The following RAB3GAP2 variants were observed in gnomAD, a reference collection of about 807,000 sequenced individuals.
RAB3GAP2 encodes the protein RAB3 GTPase activating non-catalytic protein subunit 2.
Under a neutral mutation model 185.3 loss-of-function variants are expected in RAB3GAP2, and 87 were observed. The observed-to-expected ratio is 0.47, with a 90% CI of 0.39 to 0.56. The LOEUF (loss-of-function observed/expected upper bound fraction) is 0.56, where lower values mean the gene tolerates loss of function less well. Ranked by LOEUF, RAB3GAP2 falls within the 20% of genes least tolerant of loss-of-function variation. The pLI is 0.00. For missense variants in RAB3GAP2, 1,492 were observed against 1,638.2 expected (o/e 0.91, Z 1.54); for synonymous variants, 554 against 576.1 (o/e 0.96, Z 0.55).
intron 2 of RAB3GAP2, 103 bp downstream of exon 2, chr1:220,232,696 G>A (rs1188818224): frequency 1.9e-6 from 2 of 1,072,248 alleles, no homozygotes; most frequent in African/African-American, 3.1e-5. Context: ...AAATATTCTT[G>A]ACATCGAATT....
intron 1 of RAB3GAP2, among the ~76,000 whole-genome samples, chr1:220,241,217 T>C (rs1012454322): frequency 1.4e-4 from 21 of 152,092 alleles, no homozygotes; most frequent in Non-Finnish European, 2.4e-4. Flanking sequence ...ACTGAGTGTA[T>C]GTTTTTTTTC....
Position 220,208,959 on chromosome 1 carries a change from C to T in RAB3GAP2, c.612+1429G>A, listed in dbSNP as rs151032062. Among the ~76,000 whole-genome samples, 314 of 152,284 alleles carry T rather than the reference C, an allele frequency of 2.1e-3. 7 individuals carry two copies. In the East Asian group the frequency reaches 0.051, roughly 25 times the overall value. On this transcript the variant is annotated intron_variant, in intron 7 of 34. Transcript: ENST00000358951. The stretch of plus-strand genomic sequence containing the variant: ...CTCAAACTCCTGAGCTCAGGCAATC[C>T]GCCCACCTCGGGCTCCCAAAGTGCT...
intron 4 of RAB3GAP2, among the ~76,000 whole-genome samples, chr1:220,211,589 GAT>G (rs1659086496): frequency 6.6e-6 from 1 of 151,964 alleles, no homozygotes; most frequent in Non-Finnish European, 1.5e-5. Context: ...ATATAAAAAA[GAT>G]ATATTTTTTT....
intron 7 of RAB3GAP2, among the ~76,000 whole-genome samples, chr1:220,209,167 C>G (rs1192886825): frequency 2.0e-5 from 3 of 152,184 alleles, no homozygotes; most frequent in African/African-American, 7.2e-5. Context: ...AAGAAATCTT[C>G]AATATTCCTT....
chr1:220,228,987 T>C (rs1220463063), intron 2 of RAB3GAP2, among the ~76,000 whole-genome samples: 2 of 152,228 alleles, frequency 1.3e-5, no homozygotes, highest in African/African-American at 4.8e-5. Context: ...TTAACTACAT[T>C]GTTTAAAAGA....
intron 2 of RAB3GAP2, among the ~76,000 whole-genome samples, chr1:220,225,272 A>G (rs1225690376): frequency 6.6e-6 from 1 of 152,172 alleles, no homozygotes; most frequent in Non-Finnish European, 1.5e-5. Context: ...CACAACAGCA[A>G]ATCACTTCAC....
At position 220,158,822 on chromosome 1, in the gene RAB3GAP2, C is replaced by T. The variant is rs958113613; in HGVS notation, c.3261+564G>A. On this transcript the variant is annotated intron_variant, in intron 29 of 34. Transcript: ENST00000358951. The surrounding 1 kb of genome is among the most constrained non-coding windows in gnomAD (Gnocchi z 4.3). The stretch of plus-strand genomic sequence containing the variant: ...AATTCAGTGTTTGTGGGTACATGCA[C>T]ACACACATGCATGCACACACACGTA... Among the ~76,000 whole-genome samples, 4 of 152,122 alleles carry T rather than the reference C, an allele frequency of 2.6e-5. No individual in the cohort carries two copies. Among genetic ancestry groups the T allele is most frequent in the African/African-American group, 9.7e-5 (4 of 41,414 alleles).
chr1:220,213,852 T>C lies in RAB3GAP2; in HGVS notation c.304+4A>G. 1 of 1,612,288 alleles carries C rather than the reference T, an allele frequency of 6.2e-7. No individual in the cohort carries two copies. The highest frequency in any genetic ancestry group is 8.5e-7 in the Non-Finnish European group (1 of 1,178,554). On this transcript the variant is annotated splice_donor_region_variant and intron_variant, in intron 3 of 34. Transcript: ENST00000358951. ...AAGGTCGCTGAAAATAATAGGATAC[T>C]CACGCACTAGAAATACAGCTTTTTG... is the stretch of plus-strand genomic sequence containing the variant.
At chr1:220,262,187 G>C (rs1166237703) in intron 1 of RAB3GAP2, among the ~76,000 whole-genome samples, 2 of 151,366 alleles carry the variant, frequency 1.3e-5, no homozygotes, top group African/African-American at 2.4e-5. Flanking sequence ...TGTAGTCCCA[G>C]CTACTCGAGA....
At chr1:220,218,176 C>T (rs115734457) in intron 2 of RAB3GAP2, among the ~76,000 whole-genome samples, 1,888 of 152,066 alleles carry the variant, frequency 0.012, 16 homozygotes, top group Non-Finnish European at 0.018. Context: ...CCACTGAAGA[C>T]GGGGGAATAA....
chr1:220,153,377 G>C lies in RAB3GAP2; in HGVS notation c.3675C>G (p.Val1225=). ...QFLLKVVSAA[V]QAQHSATKVK... The stretch of plus-strand genomic sequence containing the variant: ...CCTTTGTGGCTGAATGTTGGGCCTG[G>C]ACAGCTGCACTGACAACTTTCAATA... Residue 1225 remains valine (V), a synonymous_variant, in exon 33 of 35, where the codon GTC becomes GTG. Coordinates refer to ENST00000358951, the MANE Select transcript of RAB3GAP2 (RefSeq NM_012414.4). 1 of 1,614,166 alleles carries C rather than the reference G, an allele frequency of 6.2e-7. No homozygotes were observed. Among genetic ancestry groups the C allele is most frequent in the African/African-American group, 1.3e-5 (1 of 75,066 alleles).
In RAB3GAP2 at chr1:220,158,312, C is replaced by G. The variant is rs1657896823; in HGVS notation, c.3262-436G>C. Among the ~76,000 whole-genome samples, 1 of 152,122 alleles carries G rather than the reference C, an allele frequency of 6.6e-6. No homozygotes were observed. The highest frequency in any genetic ancestry group is 6.5e-5 in the Admixed American group (1 of 15,276). On this transcript the variant is annotated intron_variant, in intron 29 of 34. Transcript: ENST00000358951. This position sits in a 1 kb window ranked among gnomAD's most constrained non-coding sequence, Gnocchi z 4.3. ...TTCAGAGCGTCTTTTAGAGACTGAACCCGACCCTCTGAGCAAAACTAGAAT... is the reference window on the plus strand; with the variant it reads ...TTCAGAGCGTCTTTTAGAGACTGAAGCCGACCCTCTGAGCAAAACTAGAAT...
In RAB3GAP2 at chr1:220,184,029, T is replaced by C; in HGVS notation, c.1998+7A>G. On this transcript the variant is annotated splice_region_variant and intron_variant, in intron 19 of 34. Transcript: ENST00000358951. ...TTTTATATAATATAAAATGTGGGATTACTCACATTATCAGAGAATGGTGTG... is the reference window on the plus strand; with the variant it reads ...TTTTATATAATATAAAATGTGGGATCACTCACATTATCAGAGAATGGTGTG... 1 of 1,531,486 alleles carries C rather than the reference T, an allele frequency of 6.5e-7. No individual in the cohort carries two copies. The highest frequency in any genetic ancestry group is 1.2e-5 in the South Asian group (1 of 86,234). The allele number at this position is 1,531,486 out of a possible 1,614,324, so 94.9% of individuals were successfully genotyped here.
At chr1:220,185,872 G>T in intron 17 of RAB3GAP2, 131 bp from the exon 18 acceptor site, 1 of 673,714 alleles carries the variant, frequency 1.5e-6, no homozygotes, top group Non-Finnish European at 2.6e-6. Flanking sequence ...ATGTTTTAGT[G>T]TACATATATT....
chr1:220,180,505 T>C (rs1347164562), intron 21 of RAB3GAP2, among the ~76,000 whole-genome samples: 1 of 152,146 alleles, frequency 6.6e-6, no homozygotes, highest in African/African-American at 2.4e-5. Flanking sequence ...TAGAGACTAT[T>C]ATGAACAGCT....
At chr1:220,209,012 C>G (rs1332325832) in intron 7 of RAB3GAP2, among the ~76,000 whole-genome samples, 1 of 152,128 alleles carries the variant, frequency 6.6e-6, no homozygotes, top group Admixed American at 6.5e-5. Flanking sequence ...CCACCGTGCC[C>G]GGCCCCAAAA....
intron 21 of RAB3GAP2, among the ~76,000 whole-genome samples, chr1:220,172,980 G>C (rs942819027): frequency 6.6e-6 from 1 of 152,126 alleles, no homozygotes; most frequent in African/African-American, 2.4e-5. Context: ...ACCTTCTTTG[G>C]GTTAAGCATT....
chr1:220,237,066 T>C (rs1392041363), intron 1 of RAB3GAP2, among the ~76,000 whole-genome samples: 1 of 152,216 alleles, frequency 6.6e-6, no homozygotes, highest in African/African-American at 2.4e-5. Flanking sequence ...ATATCTTTTA[T>C]AAGACAGGGT....
rs1658608431 is a variant in RAB3GAP2, at chr1:220,191,065, T to C, written c.1487+3A>G. 2.5e-6 allele frequency: 4 copies of C among 1,611,484 alleles called. No homozygotes were observed. In the East Asian group the frequency reaches 8.9e-5, roughly 36 times the overall value. ...CAGCACAATGCCAGCATTTGCAGCT[T>C]ACCTGCAGTGCTTCCCCACATTGAA... On this transcript the variant is annotated splice_donor_region_variant and intron_variant, in intron 14 of 34. Coordinates refer to ENST00000358951, the MANE Select transcript of RAB3GAP2 (RefSeq NM_012414.4).
Sources: gnomAD v4.1 joint callset for allele counts (sites outside exome capture counted in the v4.1 genomes callset) on GRCh38, gnomAD v4.1.1 for gene constraint, Gnocchi (gnomAD v3.1) non-coding constraint, MANE v1.5 for transcripts, NCBI Gene and HGNC (gene_info 2026-07-23, HGNC 2026-07-21) for gene names.